The following KCTD16 variants were observed in gnomAD, a reference collection of about 807,000 sequenced individuals.
KCTD16 encodes the protein BTB/POZ domain-containing protein KCTD16.
KCTD16 carries 13 observed loss-of-function variants against 33.2 expected under a neutral mutation model. That is an observed-to-expected ratio of 0.39 (90% CI 0.25 to 0.62). The LOEUF (loss-of-function observed/expected upper bound fraction) is 0.62. Ranked by LOEUF, KCTD16 falls within the 20% of genes least tolerant of loss-of-function variation. KCTD16 has a pLI of 0.50. For missense variants in KCTD16, 441 were observed against 525.1 expected (o/e 0.84, Z 1.57); for synonymous variants, 197 against 195.3 (o/e 1.01, Z -0.07).
At chr5:144,183,359 A>G (rs963360360) in intron 2 of KCTD16, among the ~76,000 whole-genome samples, 15 of 152,156 alleles carry the variant, frequency 9.9e-5, no homozygotes, top group African/African-American at 2.9e-4. Flanking sequence ...CTCTTTCTCT[A>G]CCTATAATGA....
chr5:144,426,173 A>G (rs1051837435), intron 3 of KCTD16, among the ~76,000 whole-genome samples: 2 of 152,140 alleles, frequency 1.3e-5, no homozygotes, highest in African/African-American at 4.8e-5. Context: ...TATCATTCCC[A>G]AGTTCTGCAT....
At chr5:144,230,061 GA>G (rs1349773581) in intron 3 of KCTD16, among the ~76,000 whole-genome samples, 1 of 152,184 alleles carries the variant, frequency 6.6e-6, no homozygotes, top group Non-Finnish European at 1.5e-5. Flanking sequence ...AGAATCATTT[GA>G]ACCCTGGAGG....
chr5:144,359,854 C>T (rs1028997986), intron 3 of KCTD16, among the ~76,000 whole-genome samples: 1 of 151,788 alleles, frequency 6.6e-6, no homozygotes, highest in African/African-American at 2.4e-5. Flanking sequence ...TGGATGTGCC[C>T]CTCCGAAAAC....
chr5:144,171,209 C>T (rs1752374927), intron 1 of KCTD16, among the ~76,000 whole-genome samples, 200 bp downstream of exon 1: 1 of 152,074 alleles, frequency 6.6e-6, no homozygotes, highest in East Asian at 1.9e-4. Context: ...GAAATTGCTA[C>T]TAATATTCTT....
chr5:144,323,623 A>G lies in KCTD16; in HGVS notation c.832+116077A>G, dbSNP rs193170828. ...CTCAGTCCTTGACTGGGGAAAGTCC[A>G]TGGAAAGTACAACCTCATTGCACAA... On this transcript the variant is annotated intron_variant, in intron 3 of 3. Coordinates refer to ENST00000512467, the MANE Select transcript of KCTD16 (RefSeq NM_020768.4). Among the ~76,000 whole-genome samples the G allele has an allele frequency of 2.8e-4, 43 of 152,302 alleles. 1 individual carries two copies. The highest frequency in any genetic ancestry group is 1.2e-3 in the East Asian group (6 of 5,184).
intron 3 of KCTD16, among the ~76,000 whole-genome samples, chr5:144,320,392 G>A (rs1388628549): frequency 1.3e-5 from 2 of 152,168 alleles, no homozygotes. Context: ...GGCAAAGAAA[G>A]AAAAGCTCTT....
chr5:144,297,567 T>G (rs1449233114), intron 3 of KCTD16, among the ~76,000 whole-genome samples: 1 of 152,178 alleles, frequency 6.6e-6, no homozygotes, highest in Non-Finnish European at 1.5e-5. Context: ...TTCAAGATAT[T>G]CCTACCATAT....
chr5:144,207,125 T>G lies in KCTD16; in HGVS notation c.411T>G (p.Ser137Arg). The change falls in exon 3 of 4, where the codon AGT becomes AGG. Residue 137 changes from serine to arginine, a missense_variant. Ser to Arg is a moderately radical substitution (Grantham distance 110). Around this residue, in one of 3 missense-constraint regions of KCTD16, gnomAD observed 355 missense variants for 413.0 expected, o/e 0.86. Coordinates refer to ENST00000512467, the MANE Select transcript of KCTD16 (RefSeq NM_020768.4). Reference sequence around the variant, plus strand: ...AAAGCCCAGATGAATTCTGCCACAGTGACTTTGAAGATGCCTCCCAAGGAA... The same window carrying G: ...AAAGCCCAGATGAATTCTGCCACAGGGACTTTGAAGATGCCTCCCAAGGAA... ...IKQSPDEFCH[S>R]DFEDASQGSD... The G allele has an allele frequency of 6.2e-7, 1 of 1,610,742 alleles. No homozygotes were observed. Among genetic ancestry groups the G allele is most frequent in the Non-Finnish European group, 8.5e-7 (1 of 1,178,504 alleles).
intron 3 of KCTD16, among the ~76,000 whole-genome samples, chr5:144,318,800 A>C (rs1751995163): frequency 6.6e-6 from 1 of 152,206 alleles, no homozygotes; most frequent in African/African-American, 2.4e-5. Flanking sequence ...AATGTTCCCC[A>C]AAATGAGGTG....
At chr5:144,281,383 A>ATGTT (rs1264784398) in intron 3 of KCTD16, among the ~76,000 whole-genome samples, 4 of 152,124 alleles carry the variant, frequency 2.6e-5, no homozygotes, top group African/African-American at 9.7e-5. Flanking sequence ...ACATTTTGAT[A>ATGTT]TGTTATCTGT....
At chr5:144,353,144 G>T (rs937388625) in intron 3 of KCTD16, among the ~76,000 whole-genome samples, 4 of 152,172 alleles carry the variant, frequency 2.6e-5, no homozygotes, top group African/African-American at 4.8e-5. Context: ...TTCCCAAGGG[G>T]CCCTACCCAG....
At chr5:144,416,337 G>A (rs1753053277) in intron 3 of KCTD16, among the ~76,000 whole-genome samples, 1 of 152,170 alleles carries the variant, frequency 6.6e-6, no homozygotes, top group Non-Finnish European at 1.5e-5. Flanking sequence ...TTATGGTTGA[G>A]TTGGAAGATA....
At chr5:144,347,607 G>C (rs1257155402) in intron 3 of KCTD16, among the ~76,000 whole-genome samples, 1 of 152,060 alleles carries the variant, frequency 6.6e-6, no homozygotes, top group African/African-American at 2.4e-5. Context: ...TTTCAGGGAG[G>C]GGTGTCAGGA....
At chr5:144,233,680 G>A (rs1416510480) in intron 3 of KCTD16, among the ~76,000 whole-genome samples, 1 of 152,138 alleles carries the variant, frequency 6.6e-6, no homozygotes, top group Non-Finnish European at 1.5e-5. Context: ...TCCATTGTTA[G>A]AGTTTGGTTT....
intron 3 of KCTD16, among the ~76,000 whole-genome samples, chr5:144,417,701 A>G (rs1033846388): frequency 1.3e-5 from 2 of 152,066 alleles, no homozygotes; most frequent in African/African-American, 2.4e-5. Flanking sequence ...ATTTAGTTCT[A>G]TGCTTTTTTG....
At chr5:144,357,158 A>G (rs1751589405) in intron 3 of KCTD16, among the ~76,000 whole-genome samples, 1 of 151,862 alleles carries the variant, frequency 6.6e-6, no homozygotes, top group Non-Finnish European at 1.5e-5. Flanking sequence ...AGCTTTGCCC[A>G]TGTAAGGAAA....
chr5:144,236,277 T>C (rs143233801), intron 3 of KCTD16, among the ~76,000 whole-genome samples: 3 of 152,050 alleles, frequency 2.0e-5, no homozygotes, highest in African/African-American at 7.2e-5. Flanking sequence ...TAGGAAAAGC[T>C]CTGAAGAAGA....
At chr5:144,244,673 T>C (rs989151655) in intron 3 of KCTD16, among the ~76,000 whole-genome samples, 2 of 152,208 alleles carry the variant, frequency 1.3e-5, no homozygotes, top group African/African-American at 4.8e-5. Flanking sequence ...GAGATCTCTA[T>C]TTTTAGATAT....
At chr5:144,353,905 G>C (rs997285656) in intron 3 of KCTD16, among the ~76,000 whole-genome samples, 6 of 152,044 alleles carry the variant, frequency 3.9e-5, no homozygotes, top group African/African-American at 1.4e-4. Flanking sequence ...ATCGATGTTT[G>C]CTGACAGGTA....
Sources: gnomAD v4.1 joint callset for allele counts (sites outside exome capture counted in the v4.1 genomes callset) on GRCh38, gnomAD v4.1.1 for gene constraint, gnomAD v4.1.1 regional missense constraint, MANE v1.5 for transcripts, NCBI Gene and HGNC (gene_info 2026-07-23, HGNC 2026-07-21) for gene names.